Variants in ARHGAP23 observed in about 807,000 individuals in gnomAD.
The protein encoded by ARHGAP23 is Rho GTPase activating protein 23.
A neutral mutation model predicts 136.3 loss-of-function variants in ARHGAP23; 34 were observed. That is an observed-to-expected ratio of 0.25 (90% CI 0.19 to 0.33). ARHGAP23 has a LOEUF of 0.33. Ranked by LOEUF, ARHGAP23 falls within the 10% of genes least tolerant of loss-of-function variation. ARHGAP23 has a pLI of 1.00. For missense variants in ARHGAP23, 1,808 were observed against 2,139.0 expected, an observed-to-expected ratio of 0.85 and a Z score of 3.05; for synonymous variants, 832 against 920.5, an observed-to-expected ratio of 0.90 and a Z score of 1.74.
rs1490376264 is a variant in ARHGAP23 at position 38,504,346 on chromosome 17, G to A, written c.3447+3718G>A. ...GCAGTGGTCTCAGTCTCATCTACTG[G>A]GGAGACCAGGAATCGGAGTCAGGGA... On this transcript the variant is annotated intron_variant, in intron 23 of 23. Transcript: ENST00000622683. 2.0e-5 allele frequency among the ~76,000 whole-genome samples: 3 copies of A among 152,192 alleles called. No individual in the cohort carries two copies. In the South Asian group the frequency reaches 6.2e-4, roughly 32 times the overall value.
chr17:38,498,214 A>AG (rs1597842760), intron 21 of ARHGAP23, among the ~76,000 whole-genome samples, 200 bp from the exon 22 acceptor site: 2 of 152,140 alleles, frequency 1.3e-5, no homozygotes, highest in African/African-American at 4.8e-5. Flanking sequence ...CCAGGTGTTG[A>AG]GGAAGGCACA....
At chr17:38,454,380 AC>A (rs2039274309) in intron 1 of ARHGAP23, among the ~76,000 whole-genome samples, 1 of 152,108 alleles carries the variant, frequency 6.6e-6, no homozygotes, top group African/African-American at 2.4e-5. Flanking sequence ...CGAGGCCTCC[AC>A]GGGGCTCAGC....
In ARHGAP23 at chr17:38,510,460, C is replaced by T; in HGVS notation, c.3964C>T (p.Arg1322Cys). The change falls in exon 24 of 24, where the codon CGC becomes TGC. Residue 1322 changes from arginine (R) to cysteine (C), a missense_variant. By Grantham distance (180) the Arg-to-Cys change is radical. This residue lies in a region of ARHGAP23 where 506 missense variants were observed against 455.8 expected (regional missense o/e 1.11). Transcript: ENST00000622683. This position sits in a 1 kb window ranked among gnomAD's most constrained non-coding sequence, Gnocchi z 4.6. Reference sequence around the variant, plus strand: ...GCCCTGCGACACTCTGGCGCGCCGCCGCCTGGCCCGGGGCCGCCCAGACGG... The same window carrying T: ...GCCCTGCGACACTCTGGCGCGCCGCTGCCTGGCCCGGGGCCGCCCAGACGG... Reference protein sequence around the residue: ...LMPCDTLARRRLARGRPDGEG... With the variant: ...LMPCDTLARRCLARGRPDGEG... 3 of 1,206,832 alleles carry T rather than the reference C, an allele frequency of 2.5e-6. No individual in the cohort carries two copies. Among genetic ancestry groups the T allele is most frequent in the African/African-American group, 1.6e-5 (1 of 62,974 alleles). 74.8% of individuals were successfully genotyped at this position (1,206,832 alleles called of 1,614,324 possible). A position where few individuals can be genotyped will look rare whatever the true frequency, so the allele number is the denominator to read the frequency against.
chr17:38,451,876 C>G (rs1419609136), intron 1 of ARHGAP23: 1 of 152,436 alleles, frequency 6.6e-6, no homozygotes, highest in Non-Finnish European at 1.5e-5. Context: ...GATGGCGCGT[C>G]CTGCTCTCCC....
At chr17:38,426,056 C>A (rs908523712), upstream of ARHGAP23, among the ~76,000 whole-genome samples, 2 of 152,032 alleles carry the variant, frequency 1.3e-5, no homozygotes, top group African/African-American at 4.8e-5. Flanking sequence ...ACCCCACGGC[C>A]ACCACCCTCC....
chr17:38,483,778 G>T (rs2040099626), intron 16 of ARHGAP23, among the ~76,000 whole-genome samples: 1 of 152,192 alleles, frequency 6.6e-6, no homozygotes. Context: ...TGGAGCAGGT[G>T]GTGGCTGGAG....
intron 1 of ARHGAP23, among the ~76,000 whole-genome samples, chr17:38,433,371 T>C (rs2038725573): frequency 6.6e-6 from 1 of 152,142 alleles, no homozygotes. Flanking sequence ...GCAACTATTA[T>C]TAAAAAAAAT....
chr17:38,500,854 A>C, intron 23 of ARHGAP23: 1 of 585,880 alleles, frequency 1.7e-6, no homozygotes, highest in Non-Finnish European at 3.1e-6. Flanking sequence ...CCTGGGAGTT[A>C]TGTGGCTAGG....
At chr17:38,502,129 C>A (rs2144798631) in intron 23 of ARHGAP23, among the ~76,000 whole-genome samples, 1 of 152,236 alleles carries the variant, frequency 6.6e-6, no homozygotes, top group South Asian at 2.1e-4. Context: ...CATGGTGAAA[C>A]CCCATCTCTA....
At chr17:38,456,234 C>A (rs1285254773) in intron 1 of ARHGAP23, among the ~76,000 whole-genome samples, 1 of 152,180 alleles carries the variant, frequency 6.6e-6, no homozygotes, top group Non-Finnish European at 1.5e-5. Context: ...CTTCCCCAGA[C>A]CTGCTCGACA....
chr17:38,468,949 C>A (rs1163463181), intron 7 of ARHGAP23, among the ~76,000 whole-genome samples, 195 bp from the exon 8 acceptor site: 3 of 152,128 alleles, frequency 2.0e-5, no homozygotes, highest in Non-Finnish European at 4.4e-5. Context: ...AGCCCCACTC[C>A]TGAGGGTAAG....
intron 18 of ARHGAP23, 113 bp downstream of exon 18, chr17:38,490,288 C>T: frequency 8.2e-7 from 1 of 1,220,374 alleles, no homozygotes; most frequent in East Asian, 2.5e-5. Context: ...TTGGAGAAGC[C>T]CCGCTCCACT....
At chr17:38,489,023 C>A (rs1389239054) in intron 17 of ARHGAP23, among the ~76,000 whole-genome samples, 3 of 151,960 alleles carry the variant, frequency 2.0e-5, no homozygotes, top group Non-Finnish European at 2.9e-5. Flanking sequence ...TTACAGGCGC[C>A]TACCACCATG....
At chr17:38,440,245 C>T (rs2038892186) in intron 1 of ARHGAP23, among the ~76,000 whole-genome samples, 3 of 152,170 alleles carry the variant, frequency 2.0e-5, no homozygotes, top group Non-Finnish European at 2.9e-5. Flanking sequence ...TGTCTAACTC[C>T]TGGCTTCAAG....
intron 2 of ARHGAP23, 89 bp downstream of exon 2, chr17:38,458,352 A>C: frequency 7.1e-7 from 1 of 1,415,632 alleles, no homozygotes; most frequent in Non-Finnish European, 9.3e-7. Context: ...TGGTCCTTTC[A>C]CCCTCTCAGA....
At chr17:38,479,546 G>C (rs2039980468) in intron 13 of ARHGAP23, 49 bp downstream of exon 13, 1 of 1,531,528 alleles carries the variant, frequency 6.5e-7, no homozygotes, top group African/African-American at 1.4e-5. Flanking sequence ...GGTGGTAGGG[G>C]GCTGAAGGCA....
intron 6 of ARHGAP23, 133 bp downstream of exon 6, chr17:38,463,515 C>G (rs1008650003): frequency 9.1e-7 from 1 of 1,102,462 alleles, no homozygotes; most frequent in Non-Finnish European, 1.3e-6. Context: ...CAGGCCCCTC[C>G]CTGGGCTGGG....
At position 38,498,723 on chromosome 17, in the gene ARHGAP23, C is replaced by T. The variant is rs544446440; in HGVS notation, c.3415+213C>T. 3.1e-3 allele frequency among the ~76,000 whole-genome samples: 478 copies of T among 152,294 alleles called. 1 individual carries two copies. The highest frequency in any genetic ancestry group is 0.011 in the African/African-American group (453 of 41,546). ...CCACCTCCTGTCTGCGCAGCTGCCC[C>T]GCCCCGGGCAGGGTCGGAGCTTTGT... On this transcript the variant is annotated intron_variant, in intron 22 of 23. Coordinates refer to ENST00000622683, the MANE Select transcript of ARHGAP23 (RefSeq NM_001199417.2).
At position 38,490,579 on chromosome 17, in the gene ARHGAP23, G is replaced by A. The variant is rs12940127; in HGVS notation, c.3150+28G>A. On this transcript the variant is annotated intron_variant, in intron 19 of 23. Coordinates refer to ENST00000622683, the MANE Select transcript of ARHGAP23 (RefSeq NM_001199417.2). ...GGGTAGGAGTCCCGCATGGAGTCTG[G>A]GGGAGGCAAGCACGGACTTACTGTG... 819 of 1,471,676 alleles carry A rather than the reference G, an allele frequency of 5.6e-4. 7 individuals carry two copies. The African/African-American group carries it at 0.01, about 19-fold the overall frequency. 91.2% of individuals were successfully genotyped at this position (1,471,676 alleles called of 1,614,324 possible). A position where few individuals can be genotyped will look rare whatever the true frequency, so the allele number is the denominator to read the frequency against.
Sources: allele counts gnomAD v4.1 joint callset (sites outside exome capture counted in the v4.1 genomes callset), GRCh38; gene constraint gnomAD v4.1.1; regional missense constraint gnomAD v4.1.1; non-coding constraint Gnocchi (gnomAD v3.1); transcripts MANE v1.5; gene names NCBI Gene and HGNC (gene_info 2026-07-23, HGNC 2026-07-21).